Variants in ABCC2 observed in about 807,000 individuals in gnomAD.
ABCC2 encodes the protein ATP binding cassette subfamily C member 2.
A neutral mutation model predicts 173.4 loss-of-function variants in ABCC2; 157 were observed. That is an observed-to-expected ratio of 0.91 (90% CI 0.80 to 1.03). The LOEUF (loss-of-function observed/expected upper bound fraction) is 1.03, where lower values mean the gene tolerates loss of function less well. Among genes scored for constraint, ABCC2 ranks in the 50% least tolerant of loss-of-function variants. The pLI is 0.00. For synonymous variants in ABCC2, 657 were observed against 693.5 expected (o/e 0.95, Z 0.83); for missense variants, 1,822 against 1,852.3 (o/e 0.98, Z 0.30).
chr10:99,793,017 A>G (rs1488992175), intron 3 of ABCC2, among the ~76,000 whole-genome samples: 2 of 151,456 alleles, frequency 1.3e-5, no homozygotes, highest in Non-Finnish European at 2.9e-5. Context: ...CAAATGTTAT[A>G]AATCATGGCT....
chr10:99,845,515 A>T, intron 28 of ABCC2, 109 bp from the exon 29 acceptor site: 2 of 1,362,376 alleles, frequency 1.5e-6, no homozygotes, highest in Non-Finnish European at 2.1e-6. Context: ...TTAGAGATGG[A>T]GTAGCCAGTC....
Position 99,813,017 on chromosome 10 carries a change from G to C in ABCC2, c.1968-1G>C, listed in dbSNP as rs756707816. Reference sequence around the variant, plus strand: ...CCTTCAAAGACATTCCTGTCTTTCAGTGTGAACCTGGACATTATGGCAGGC... The same window carrying C: ...CCTTCAAAGACATTCCTGTCTTTCACTGTGAACCTGGACATTATGGCAGGC... On this transcript the variant is annotated splice_acceptor_variant, in intron 15 of 31. Transcript: ENST00000647814. LOFTEE classifies it high-confidence loss of function. 5 of 1,613,686 alleles carry C rather than the reference G, an allele frequency of 3.1e-6. No homozygotes were observed. The Admixed American group carries it at 5.0e-5, about 16-fold the overall frequency.
At chr10:99,796,238 T>C (rs2037909060) in intron 6 of ABCC2, among the ~76,000 whole-genome samples, 1 of 151,932 alleles carries the variant, frequency 6.6e-6, no homozygotes, top group Non-Finnish European at 1.5e-5. Context: ...GGTGCAGTGG[T>C]TCACGCCTGT....
rs1459231746 is a variant in ABCC2, at chr10:99,783,215, A to C, written c.33+338A>C. On this transcript the variant is annotated intron_variant, in intron 1 of 31. Coordinates refer to ENST00000647814, the MANE Select transcript of ABCC2 (RefSeq NM_000392.5). ...TGTTGCATACTTTGCTAGTAGAAGG[A>C]AGAGAAGATCCGTGACTGAGTCTTG... Among the ~76,000 whole-genome samples the C allele has an allele frequency of 2.6e-5, 4 of 152,224 alleles. No individual in the cohort carries two copies. In the East Asian group the frequency reaches 7.7e-4, roughly 29 times the overall value.
chr10:99,814,144 C>A (rs1442914127), intron 16 of ABCC2, among the ~76,000 whole-genome samples: 1 of 32,264 alleles, frequency 3.1e-5, no homozygotes, highest in African/African-American at 1.3e-4. Flanking sequence ...TATATATACA[C>A]ACATGTATGT....
Position 99,792,588 on chromosome 10 carries a change from G to A in ABCC2, c.333+229G>A, listed in dbSNP as rs41318023. On this transcript the variant is annotated intron_variant, in intron 3 of 31. Coordinates refer to ENST00000647814, the MANE Select transcript of ABCC2 (RefSeq NM_000392.5). ...TCCTAGGTTAAGTATTAGCTTTCAT[G>A]ACTAAGATGTATATCTTATGTCCGC... Among the ~76,000 whole-genome samples, 942 of 152,294 alleles carry A rather than the reference G, an allele frequency of 6.2e-3. 5 individuals carry two copies. The highest frequency in any genetic ancestry group is 1.0e-2 in the Non-Finnish European group (680 of 68,024).
chr10:99,783,691 G>A (rs1287498274), intron 1 of ABCC2, among the ~76,000 whole-genome samples: 2 of 152,084 alleles, frequency 1.3e-5, no homozygotes, highest in African/African-American at 4.8e-5. Flanking sequence ...AGAGGGGCAG[G>A]GATGAGATAG....
chr10:99,818,864 T>A lies in ABCC2; in HGVS notation c.2346T>A (p.Tyr782Ter), dbSNP rs1279487647. Reference sequence around the variant, plus strand: ...CTACCTACCAAAATTTAGACATCTATCTTCTAGATGACCCCCTGTCTGCAG... The same window carrying A: ...CTACCTACCAAAATTTAGACATCTAACTTCTAGATGACCCCCTGTCTGCAG... ...ARATYQNLDIYLLDDPLSAVD... is the reference protein window; with the variant it reads ...ARATYQNLDI Residue 782 changes from tyrosine (Y) to a stop codon, truncating the protein, a stop_gained, in exon 18 of 32, where the codon TAT becomes TAA. Transcript: ENST00000647814. LOFTEE classifies it high-confidence loss of function. 6.2e-7 allele frequency: 1 copy of A among 1,614,146 alleles called. No homozygotes were observed. The highest frequency in any genetic ancestry group is 1.1e-5 in the South Asian group (1 of 91,084).
At chr10:99,814,191 ACATG>A (rs2038284840) in intron 16 of ABCC2, among the ~76,000 whole-genome samples, 1 of 91,142 alleles carries the variant, frequency 1.1e-5, no homozygotes, top group African/African-American at 3.9e-5. Flanking sequence ...ATGTATACAC[ACATG>A]TGTATATATA....
chr10:99,800,491 G>T lies in ABCC2; in HGVS notation c.1137G>T (p.Gln379His). Residue 379 changes from glutamine to histidine, a missense_variant, in exon 9 of 32, where the codon CAG (glutamine) becomes CAT (histidine). Coordinates refer to ENST00000647814, the MANE Select transcript of ABCC2 (RefSeq NM_000392.5). ...TAALIQSFCLQCYFQLCFKLG... is the reference protein window; with the variant it reads ...TAALIQSFCLHCYFQLCFKLG... ...CTCTCATTCAGTCTTTCTGCCTTCA[G>T]TGTTATTTCCAACTGTGCTTCAAGC... is the stretch of plus-strand genomic sequence containing the variant. 1 of 1,614,152 alleles carries T rather than the reference G, an allele frequency of 6.2e-7. No individual in the cohort carries two copies. The highest frequency in any genetic ancestry group is 8.5e-7 in the Non-Finnish European group (1 of 1,180,030).
At chr10:99,822,130 G>A (rs1254563981) in intron 19 of ABCC2, among the ~76,000 whole-genome samples, 2 of 152,200 alleles carry the variant, frequency 1.3e-5, no homozygotes, top group Non-Finnish European at 1.5e-5. Context: ...ATCCATCCAT[G>A]TGACTGCCCG....
At chr10:99,787,970 G>A (rs180946664) in intron 2 of ABCC2, among the ~76,000 whole-genome samples, 58 of 152,132 alleles carry the variant, frequency 3.8e-4, no homozygotes, top group African/African-American at 1.3e-3. Flanking sequence ...GGCTGAGGTG[G>A]GAAGATCACT....
chr10:99,847,984 A>G (rs2039042157), intron 30 of ABCC2, among the ~76,000 whole-genome samples: 1 of 152,240 alleles, frequency 6.6e-6, no homozygotes, highest in African/African-American at 2.4e-5. Flanking sequence ...ACATTACACA[A>G]TGTGAGCTTA....
intron 17 of ABCC2, among the ~76,000 whole-genome samples, chr10:99,817,891 T>G (rs900773732): frequency 2.0e-5 from 3 of 152,156 alleles, no homozygotes; most frequent in Non-Finnish European, 4.4e-5. Flanking sequence ...ATGTTTATTG[T>G]GAATTATCTT....
intron 27 of ABCC2, 132 bp from the exon 28 acceptor site, chr10:99,844,190 A>T (rs2038983732): frequency 2.7e-6 from 3 of 1,115,850 alleles, no homozygotes; most frequent in Non-Finnish European, 4.0e-6. Context: ...AGTTCAGCCT[A>T]TTAAATGCAG....
At chr10:99,814,546 CA>C (rs2038335958) in intron 16 of ABCC2, among the ~76,000 whole-genome samples, 3 of 100,658 alleles carry the variant, frequency 3.0e-5, no homozygotes, top group Admixed American at 9.5e-5. Flanking sequence ...TATACACACA[CA>C]TATGTGTATA....
intron 30 of ABCC2, among the ~76,000 whole-genome samples, chr10:99,848,169 C>A (rs1228759843): frequency 1.3e-5 from 2 of 152,200 alleles, no homozygotes; most frequent in Admixed American, 1.3e-4. Context: ...AACCACTGAT[C>A]TAAAGAGCAT....
chr10:99,816,682 G>C (rs2038421329), intron 16 of ABCC2, among the ~76,000 whole-genome samples: 2 of 152,180 alleles, frequency 1.3e-5, no homozygotes, highest in South Asian at 4.1e-4. Flanking sequence ...GGCCTGTTGG[G>C]AACCAGGCTA....
At chr10:99,835,616 T>C (rs113032965) in intron 24 of ABCC2, among the ~76,000 whole-genome samples, 4,998 of 152,142 alleles carry the variant, frequency 0.033, 272 homozygotes, top group African/African-American at 0.11. Flanking sequence ...GGTCACTTAA[T>C]TGAACAGATT....
Sources: gnomAD v4.1 joint callset for allele counts (sites outside exome capture counted in the v4.1 genomes callset) on GRCh38, gnomAD v4.1.1 for gene constraint, MANE v1.5 for transcripts, NCBI Gene and HGNC (gene_info 2026-07-23, HGNC 2026-07-21) for gene names.